The following WLS variants were observed in gnomAD, a reference collection of about 807,000 sequenced individuals.
WLS encodes Wnt ligand secretion mediator, also known as protein wntless homolog.
In WLS, 23 loss-of-function variants were observed where a neutral mutation model predicts 62.8. That is an observed-to-expected ratio of 0.37 (90% confidence interval 0.26 to 0.52). WLS has a LOEUF of 0.52. Ranked by LOEUF, WLS falls within the 20% of genes least tolerant of loss-of-function variation. WLS has a pLI of 0.92. For synonymous variants in WLS, 246 were observed against 244.1 expected (o/e 1.01, Z -0.07); for missense variants, 615 against 697.3 (o/e 0.88, Z 1.33).
downstream of WLS, among the ~76,000 whole-genome samples, chr1:68,124,729 T>C (rs532740996): frequency 1.6e-4 from 24 of 152,284 alleles, no homozygotes; most frequent in African/African-American, 5.5e-4. Flanking sequence ...CATTTTCTAC[T>C]GTCACTGCTT....
intron 2 of WLS, among the ~76,000 whole-genome samples, chr1:68,165,766 C>T (rs1011984571): frequency 3.3e-5 from 5 of 152,166 alleles, no homozygotes; most frequent in African/African-American, 7.2e-5. Flanking sequence ...GTCCTCAATT[C>T]GAACCTGGCC....
chr1:68,218,598 T>C (rs1649826045), intron 1 of WLS, among the ~76,000 whole-genome samples: 1 of 152,244 alleles, frequency 6.6e-6, no homozygotes, highest in Non-Finnish European at 1.5e-5. Context: ...GGCCTTGTCA[T>C]ACTTGCTTCC....
intron 11 of WLS, chr1:68,098,772 T>C (rs888763145): frequency 1.2e-6 from 2 of 1,609,490 alleles, no homozygotes; most frequent in Admixed American, 1.7e-5. Context: ...TTCAGTATAT[T>C]TTAAAACCAT....
chr1:68,191,058 C>CAA (rs10590224), intron 2 of WLS, among the ~76,000 whole-genome samples: 1 of 131,278 alleles, frequency 7.6e-6, no homozygotes, highest in Non-Finnish European at 1.6e-5. Context: ...AACTCAGACT[C>CAA]AAAAAAAAAA....
At position 68,188,358 on chromosome 1, in the gene WLS, A is replaced by G. The variant is rs148034632; in HGVS notation, c.379+5597T>C. On this transcript the variant is annotated intron_variant, in intron 2 of 11. Coordinates refer to ENST00000262348, the MANE Select transcript of WLS (RefSeq NM_024911.7). ...TGTTCCTTTTAGTGGCAGAAGAATG[A>G]TACAATCCAGTATTTTCATCCACAG... Among the ~76,000 whole-genome samples the G allele has an allele frequency of 7.3e-3, 1,116 of 152,314 alleles. 8 individuals are homozygous for G. Among genetic ancestry groups the G allele is most frequent in the South Asian group, 0.018 (89 of 4,826 alleles).
chr1:68,139,362 A>C (rs1646656038), intron 10 of WLS, among the ~76,000 whole-genome samples: 1 of 152,200 alleles, frequency 6.6e-6, no homozygotes, highest in Non-Finnish European at 1.5e-5. Context: ...CTAACTTTAT[A>C]AAAACTATAT....
intron 11 of WLS, among the ~76,000 whole-genome samples, chr1:68,132,509 T>C (rs1028839460): frequency 6.6e-6 from 1 of 152,140 alleles, no homozygotes; most frequent in African/African-American, 2.4e-5. Flanking sequence ...ATCTTTCCTA[T>C]GAAACAAGGG....
At chr1:68,105,397 C>T (rs1344818894) in intron 11 of WLS, among the ~76,000 whole-genome samples, 1 of 152,176 alleles carries the variant, frequency 6.6e-6, no homozygotes, top group Non-Finnish European at 1.5e-5. Flanking sequence ...GCTAAATTCT[C>T]ATTCAGTTCA....
chr1:68,181,098 A>G (rs542163008), intron 2 of WLS, among the ~76,000 whole-genome samples: 1 of 152,344 alleles, frequency 6.6e-6, no homozygotes, highest in South Asian at 2.1e-4. Flanking sequence ...TTAGAAAAAT[A>G]TAATCCAGAA....
chr1:68,126,124 T>C lies in WLS; in HGVS notation c.*102A>G. ...TCCAAGAAACCACAGCTAAGAGCCATGAGGCATTCATTTGTACATTGAGCT... is the reference window on the plus strand; with the variant it reads ...TCCAAGAAACCACAGCTAAGAGCCACGAGGCATTCATTTGTACATTGAGCT... On this transcript the variant is annotated 3_prime_UTR_variant, in exon 12 of 12. Transcript: ENST00000262348. The C allele has an allele frequency of 6.6e-7, 1 of 1,517,766 alleles. No individual in the cohort carries two copies. Among genetic ancestry groups the C allele is most frequent in the Admixed American group, 2.1e-5 (1 of 48,320 alleles). The allele number at this position is 1,517,766 out of a possible 1,614,324, so 94.0% of individuals were successfully genotyped here. A position where few individuals can be genotyped will look rare whatever the true frequency, so the allele number is the denominator to read the frequency against.
chr1:68,132,231 A>AG (rs1012453212), intron 11 of WLS, among the ~76,000 whole-genome samples: 2 of 152,304 alleles, frequency 1.3e-5, no homozygotes, highest in African/African-American at 4.8e-5. Flanking sequence ...CAGCTGAGCA[A>AG]GGGGTGCCAG....
At chr1:68,178,160 C>T (rs1035654234) in intron 2 of WLS, among the ~76,000 whole-genome samples, 13 of 152,200 alleles carry the variant, frequency 8.5e-5, no homozygotes, top group Non-Finnish European at 1.5e-4. Flanking sequence ...ATTCCAACGC[C>T]TTTAAAACTC....
At chr1:68,108,208 G>T (rs941318891) in intron 11 of WLS, among the ~76,000 whole-genome samples, 2 of 152,210 alleles carry the variant, frequency 1.3e-5, no homozygotes, top group African/African-American at 4.8e-5. Flanking sequence ...GGACAGGGAA[G>T]ACTGGAACTC....
intron 2 of WLS, among the ~76,000 whole-genome samples, chr1:68,183,978 C>T (rs1647753009): frequency 6.6e-6 from 1 of 152,148 alleles, no homozygotes; most frequent in Non-Finnish European, 1.5e-5. Flanking sequence ...GTGTACAGCA[C>T]AAGGATCAAG....
chr1:68,207,012 GT>G (rs1649309657), intron 1 of WLS, among the ~76,000 whole-genome samples: 1 of 152,090 alleles, frequency 6.6e-6, no homozygotes, highest in Admixed American at 6.5e-5. Context: ...TTCTGTTACT[GT>G]TTGGGATCTG....
chr1:68,162,958 T>C, intron 2 of WLS: 2 of 1,593,460 alleles, frequency 1.3e-6, no homozygotes, highest in Non-Finnish European at 8.6e-7. Context: ...ATCTCCACAG[T>C]GCAGTCGCGG....
chr1:68,124,273 T>C (rs1332623366), downstream of WLS, among the ~76,000 whole-genome samples: 3 of 152,208 alleles, frequency 2.0e-5, no homozygotes, highest in Non-Finnish European at 4.4e-5. Flanking sequence ...CTTTTCTGCC[T>C]AATATCTGAG....
At chr1:68,214,211 C>CACACACA (rs1649640301) in intron 1 of WLS, among the ~76,000 whole-genome samples, 2 of 102,664 alleles carry the variant, frequency 1.9e-5, no homozygotes, top group South Asian at 3.0e-4. Context: ...ACACACACAC[C>CACACACA]CCATTTCCAA....
At chr1:68,110,025 A>AAAAAAAAAAAAAAAG (rs1646202959) in intron 11 of WLS, among the ~76,000 whole-genome samples, 1 of 136,332 alleles carries the variant, frequency 7.3e-6, no homozygotes, top group African/African-American at 2.6e-5. Flanking sequence ...AAAAAAAAAA[A>AAAAAAAAAAAAAAAG]AAAAAAAAAA....
Sources: gnomAD v4.1 joint callset for allele counts (sites outside exome capture counted in the v4.1 genomes callset) on GRCh38, gnomAD v4.1.1 for gene constraint, MANE v1.5 for transcripts, NCBI Gene and HGNC (gene_info 2026-07-23, HGNC 2026-07-21) for gene names.